The following RGS7BP variants were observed in gnomAD, a reference collection of about 807,000 sequenced individuals.
The protein encoded by RGS7BP is regulator of G protein signaling 7 binding protein.
Under a neutral mutation model 31.3 loss-of-function variants are expected in RGS7BP, and 9 were observed. The ratio of observed to expected loss-of-function variants is 0.29; its 90% CI spans 0.17 to 0.50. The LOEUF is 0.50. RGS7BP is among the 20% of genes least tolerant of loss of function. The pLI, the probability that RGS7BP is intolerant of heterozygous loss-of-function variation, is 0.98. For synonymous variants in RGS7BP, 115 were observed against 120.1 expected (o/e 0.96, Z 0.28); for missense variants, 274 against 322.0 (o/e 0.85, Z 1.14).
chr5:64,594,980 G>T (rs11750387), intron 4 of RGS7BP, 123 bp downstream of exon 4: 33,197 of 1,031,542 alleles, frequency 0.032, 637 homozygotes, highest in Non-Finnish European at 0.04. Flanking sequence ...GTATGCCAGA[G>T]GAGCATAGTG....
At chr5:64,606,518 A>T (rs958575093) in intron 5 of RGS7BP, among the ~76,000 whole-genome samples, 6 of 152,032 alleles carry the variant, frequency 3.9e-5, no homozygotes, top group Non-Finnish European at 4.4e-5. Flanking sequence ...TGTTTTAGGG[A>T]AGCATTGAAT....
intron 2 of RGS7BP, among the ~76,000 whole-genome samples, chr5:64,574,709 G>A (rs984556367): frequency 6.6e-6 from 1 of 152,108 alleles, no homozygotes; most frequent in African/African-American, 2.4e-5. Flanking sequence ...AATGTGCTGT[G>A]TACACACAAA....
chr5:64,575,928 A>G, intron 3 of RGS7BP, 24 bp downstream of exon 3: 2 of 1,601,008 alleles, frequency 1.2e-6, no homozygotes, highest in Non-Finnish European at 8.5e-7. Context: ...ATATTGCCGG[A>G]AACACTGAGG....
chr5:64,557,697 G>C (rs572665169), intron 2 of RGS7BP, among the ~76,000 whole-genome samples: 1 of 152,228 alleles, frequency 6.6e-6, no homozygotes, highest in East Asian at 1.9e-4. Context: ...TTTAGGACAG[G>C]AGGCAGAAAG....
intron 2 of RGS7BP, among the ~76,000 whole-genome samples, chr5:64,542,104 A>G (rs1741541230): frequency 6.6e-6 from 1 of 152,232 alleles, no homozygotes; most frequent in African/African-American, 2.4e-5. Context: ...TGCATTTGCC[A>G]TCTTCTTATT....
chr5:64,568,694 A>C lies in RGS7BP; in HGVS notation c.333-7080A>C, dbSNP rs73763619. Among the ~76,000 whole-genome samples the C allele has an allele frequency of 5.7e-3, 869 of 152,114 alleles. 9 individuals carry two copies. Among genetic ancestry groups the C allele is most frequent in the African/African-American group, 0.02 (835 of 41,500 alleles). On this transcript the variant is annotated intron_variant, in intron 2 of 5. Transcript: ENST00000334025. ...ATTGCATTAAACAGTTACATTTAAG[A>C]TGAATAAAAGATGACTTACAATTTA...
At chr5:64,585,953 T>C (rs1465281802) in intron 3 of RGS7BP, among the ~76,000 whole-genome samples, 1 of 152,098 alleles carries the variant, frequency 6.6e-6, no homozygotes, top group African/African-American at 2.4e-5. Flanking sequence ...CAAATATTTG[T>C]TCACCGAGGC....
In RGS7BP at chr5:64,611,200, C is replaced by T. The variant is rs184574619; in HGVS notation, c.*1948C>T. On this transcript the variant is annotated 3_prime_UTR_variant, in exon 6 of 6. Transcript: ENST00000334025. ...CCTGAATCTAATTCATTTTCACCCACTAAGGTCATTTCATTTAAGATCCAT... is the reference window on the plus strand; with the variant it reads ...CCTGAATCTAATTCATTTTCACCCATTAAGGTCATTTCATTTAAGATCCAT... The T allele has an allele frequency of 1.2e-4, 18 of 152,016 alleles. 1 individual carries two copies. Among genetic ancestry groups the T allele is most frequent in the African/African-American group, 4.1e-4 (17 of 41,508 alleles). The allele number at this position is 152,016 out of a possible 1,614,324, so 9.4% of individuals were successfully genotyped here.
At chr5:64,527,465 C>CCACTTAGA (rs1749258359) in intron 2 of RGS7BP, among the ~76,000 whole-genome samples, 1 of 152,008 alleles carries the variant, frequency 6.6e-6, no homozygotes, top group Non-Finnish European at 1.5e-5. Context: ...TCAGAAGACC[C>CCACTTAGA]CACTTAGAGT....
intron 3 of RGS7BP, among the ~76,000 whole-genome samples, chr5:64,579,631 A>C (rs958474872): frequency 6.6e-6 from 1 of 152,028 alleles, no homozygotes; most frequent in Non-Finnish European, 1.5e-5. Flanking sequence ...AGCATGAAAG[A>C]AAATATCATT....
At chr5:64,540,184 T>C (rs1020076028) in intron 2 of RGS7BP, among the ~76,000 whole-genome samples, 2 of 152,152 alleles carry the variant, frequency 1.3e-5, no homozygotes, top group Non-Finnish European at 2.9e-5. Flanking sequence ...GTAAAAATAA[T>C]GTGTTTATTG....
At chr5:64,519,977 G>A (rs563743565) in intron 2 of RGS7BP, among the ~76,000 whole-genome samples, 5 of 152,244 alleles carry the variant, frequency 3.3e-5, no homozygotes, top group African/African-American at 9.6e-5. Flanking sequence ...TTTTCCCTAC[G>A]GTTCCAAGAT....
At chr5:64,589,257 T>C (rs1742843662) in intron 3 of RGS7BP, among the ~76,000 whole-genome samples, 1 of 151,602 alleles carries the variant, frequency 6.6e-6, no homozygotes, top group South Asian at 2.1e-4. Context: ...GATCACAACA[T>C]TGCACTCCAG....
intron 2 of RGS7BP, among the ~76,000 whole-genome samples, chr5:64,517,016 GAAA>G (rs58172150): frequency 3.9e-5 from 3 of 76,994 alleles, no homozygotes; most frequent in Non-Finnish European, 2.9e-5. Flanking sequence ...TTCTCGCCCA[GAAA>G]AAAAAAAAAA....
chr5:64,545,050 C>T (rs1244594997), intron 2 of RGS7BP, among the ~76,000 whole-genome samples: 2 of 151,792 alleles, frequency 1.3e-5, no homozygotes, highest in East Asian at 1.9e-4. Context: ...GTGGTGGGCA[C>T]CTGTAGTCCC....
chr5:64,558,848 G>C (rs1455146493), intron 2 of RGS7BP, among the ~76,000 whole-genome samples: 2 of 152,186 alleles, frequency 1.3e-5, no homozygotes, highest in East Asian at 3.9e-4. Context: ...GCCTTATGCA[G>C]TTGCAGATAA....
intron 2 of RGS7BP, among the ~76,000 whole-genome samples, chr5:64,555,794 G>A (rs1407127020): frequency 1.3e-5 from 2 of 152,064 alleles, no homozygotes; most frequent in Admixed American, 6.6e-5. Context: ...AAAACATTCA[G>A]TTCTGGTAAT....
chr5:64,599,676 G>A (rs575727470), intron 5 of RGS7BP, among the ~76,000 whole-genome samples: 2 of 152,356 alleles, frequency 1.3e-5, no homozygotes, highest in Admixed American at 6.5e-5. Context: ...ATGCTTTAGT[G>A]ATGAGAGACT....
rs1204027507 is a variant in RGS7BP at position 64,562,317 on chromosome 5, T to C, written c.333-13457T>C. On this transcript the variant is annotated intron_variant, in intron 2 of 5. Coordinates refer to ENST00000334025, the MANE Select transcript of RGS7BP (RefSeq NM_001029875.3). ...GGTTCTCTAGGCATAATGTACAGAA[T>C]TGCCTCCCTGGAACACATCCTCCAT... Among the ~76,000 whole-genome samples, 10 of 152,278 alleles carry C rather than the reference T, an allele frequency of 6.6e-5. No homozygotes were observed. In the East Asian group the frequency reaches 1.9e-3, roughly 29 times the overall value.
Sources: gnomAD v4.1 joint callset for allele counts (sites outside exome capture counted in the v4.1 genomes callset) on GRCh38, gnomAD v4.1.1 for gene constraint, MANE v1.5 for transcripts, NCBI Gene and HGNC (gene_info 2026-07-23, HGNC 2026-07-21) for gene names.